The following RANBP3 variants were observed in gnomAD, a reference collection of about 807,000 sequenced individuals.
RANBP3 encodes the protein RAN binding protein 3.
RANBP3 carries 14 observed loss-of-function variants against 77.3 expected under a neutral mutation model. The observed-to-expected ratio is 0.18, with a 90% CI of 0.12 to 0.28. The LOEUF is 0.28. Among genes scored for constraint, RANBP3 ranks in the 10% least tolerant of loss-of-function variants. The pLI, the probability that RANBP3 is intolerant of heterozygous loss-of-function variation, is 1.00. For synonymous variants in RANBP3, 315 were observed against 312.4 expected (o/e 1.01, Z -0.09); for missense variants, 586 against 752.3 (o/e 0.78, Z 2.59).
chr19:5,935,775 C>T (rs1051740490), intron 5 of RANBP3: 1 of 456,776 alleles, frequency 2.2e-6, no homozygotes, highest in Admixed American at 2.3e-5. Context: ...CTGGAGGTCC[C>T]TGTCACAGGC....
At chr19:5,955,551 G>A (rs143625449) in intron 2 of RANBP3, among the ~76,000 whole-genome samples, 17 of 152,334 alleles carry the variant, frequency 1.1e-4, no homozygotes, top group African/African-American at 4.1e-4. Context: ...TGTGAAAACA[G>A]TACTGACACA....
Position 5,931,476 on chromosome 19 carries a change from C to T in RANBP3, c.621G>A (p.Val207=). ...VSLPADCTGA[V]PAASPDTAAW... ...CAGCAGTGTCAGGGGATGCTGCGGG[C>T]ACTGCCCCCGTGCAGTCTGCTGGGA... The change falls in exon 8 of 17, where the codon GTG becomes GTA. Residue 207 remains valine, a synonymous_variant. Coordinates refer to ENST00000340578, the MANE Select transcript of RANBP3 (RefSeq NM_007322.3). 6.2e-7 allele frequency: 1 copy of T among 1,612,844 alleles called. No individual in the cohort carries two copies.
At position 5,935,339 on chromosome 19, in the gene RANBP3, G is replaced by T. The variant is rs181117029; in HGVS notation, c.407-1860C>A. Among the ~76,000 whole-genome samples the T allele has an allele frequency of 7.6e-3, 1,151 of 152,336 alleles. 4 individuals carry two copies. Among genetic ancestry groups the T allele is most frequent in the Non-Finnish European group, 0.012 (847 of 68,026 alleles). On this transcript the variant is annotated intron_variant, in intron 5 of 16. Transcript: ENST00000340578. ...CTGGTGCCTCTCCCGTAACAGACTG[G>T]TCATAAAAAAACAAACTCAGGAGAG...
intron 5 of RANBP3, among the ~76,000 whole-genome samples, chr19:5,940,650 GACA>G (rs2058124048): frequency 6.6e-6 from 1 of 152,222 alleles, no homozygotes; most frequent in African/African-American, 2.4e-5. Context: ...GAAACAACTT[GACA>G]TCCTGAAGGT....
rs921784934 is a variant in RANBP3, at chr19:5,952,848, CGCTCTCTAAACCTG to C, written c.79-1266_79-1253del. Among the ~76,000 whole-genome samples the C allele has an allele frequency of 6.6e-6, 1 of 152,172 alleles. No homozygotes were observed. Among genetic ancestry groups the C allele is most frequent in the African/African-American group, 2.4e-5 (1 of 41,426 alleles). On this transcript the variant is annotated intron_variant, in intron 2 of 16. Coordinates refer to ENST00000340578, the MANE Select transcript of RANBP3 (RefSeq NM_007322.3). The surrounding 1 kb of genome is among the most constrained non-coding windows in gnomAD (Gnocchi z 4.1). ...ATCCAGGGCAGAGCCACGGACCAGC[CGCTCTCTAAACCTG>C]GCTCTCTAAACCTGCACAGGGCACC...
At chr19:5,956,833 G>T (rs1432752576) in intron 2 of RANBP3, among the ~76,000 whole-genome samples, 2 of 152,196 alleles carry the variant, frequency 1.3e-5, no homozygotes, top group Non-Finnish European at 2.9e-5. Flanking sequence ...ACCTGTGAGG[G>T]GACAGAAGCC....
At position 5,964,061 on chromosome 19, in the gene RANBP3, C is replaced by T. The variant is rs765230208; in HGVS notation, c.23-6088G>A. On this transcript the variant is annotated intron_variant, in intron 1 of 16. Coordinates refer to ENST00000340578, the MANE Select transcript of RANBP3 (RefSeq NM_007322.3). ...AAAGGAGTGAGCCCCTGCTGGCATC[C>T]GGGCCCACGGTGCTGGCTCTCCCTC... 1.1e-4 allele frequency among the ~76,000 whole-genome samples: 17 copies of T among 152,316 alleles called. No homozygotes were observed. The Middle Eastern group carries it at 0.01, about 91-fold the overall frequency.
At chr19:5,949,324 A>C (rs1213385239) in intron 3 of RANBP3, among the ~76,000 whole-genome samples, 2 of 152,228 alleles carry the variant, frequency 1.3e-5, no homozygotes, top group African/African-American at 2.4e-5. Flanking sequence ...TGGCCTAACT[A>C]ACCTAAAATA....
Position 5,951,427 on chromosome 19 carries a change from G to A in RANBP3, c.248C>T (p.Ala83Val). 6.3e-7 allele frequency: 1 copy of A among 1,581,422 alleles called. No individual in the cohort carries two copies. The highest frequency in any genetic ancestry group is 8.6e-7 in the Non-Finnish European group (1 of 1,162,398). Reference protein sequence around the residue: ...ASTPPPPAPEAQLPPFPRELA... With the variant: ...ASTPPPPAPEVQLPPFPRELA... ...TTCTCGCGGAAAAGGAGGAAGCTGGGCTTCAGGAGCGGGAGGCGGAGGAGT... is the reference window on the plus strand; with the variant it reads ...TTCTCGCGGAAAAGGAGGAAGCTGGACTTCAGGAGCGGGAGGCGGAGGAGT... Residue 83 changes from alanine (A) to valine (V), a missense_variant, in exon 3 of 17, where the codon GCC becomes GTC. Ala to Val is a moderately conservative substitution (Grantham distance 64). Transcript: ENST00000340578.
At position 5,951,490 on chromosome 19, in the gene RANBP3, G is replaced by A; in HGVS notation, c.185C>T (p.Ala62Val). 1 of 1,611,042 alleles carries A rather than the reference G, an allele frequency of 6.2e-7. No homozygotes were observed. The highest frequency in any genetic ancestry group is 8.5e-7 in the Non-Finnish European group (1 of 1,178,352). ...GCCAGCAGGGGCAGGAGGTTCTAGGGCATGCTCGCCAGCTGACTCGGGGTG... is the reference window on the plus strand; with the variant it reads ...GCCAGCAGGGGCAGGAGGTTCTAGGACATGCTCGCCAGCTGACTCGGGGTG... ...TGHPESAGEH[A>V]LEPPAPAGAS... Residue 62 changes from alanine (A) to valine (V), a missense_variant, in exon 3 of 17, where the codon GCC (alanine) becomes GTC (valine). Ala to Val is a moderately conservative substitution (Grantham distance 64). Around this residue, in one of 5 missense-constraint regions of RANBP3, gnomAD observed 172 missense variants for 183.4 expected, o/e 0.94. Coordinates refer to ENST00000340578, the MANE Select transcript of RANBP3 (RefSeq NM_007322.3).
intron 8 of RANBP3, among the ~76,000 whole-genome samples, chr19:5,929,538 A>G (rs1474508500): frequency 6.6e-6 from 1 of 152,228 alleles, no homozygotes; most frequent in African/African-American, 2.4e-5. Flanking sequence ...GCTTAAACTG[A>G]TAAACGAATC....
At chr19:5,965,475 C>T (rs1398256420) in intron 1 of RANBP3, among the ~76,000 whole-genome samples, 2 of 152,080 alleles carry the variant, frequency 1.3e-5, no homozygotes, top group African/African-American at 4.8e-5. Flanking sequence ...TGACTGGTGG[C>T]AAAACTTTGA....
rs2057761420 is a variant in RANBP3 at position 5,917,780 on chromosome 19, A to C, written c.1660+14T>G. ...TCTTTCTATCCCCCCCAGGGTAGGG[A>C]CCACCCGACTCACCAGCTGCGGTGG... On this transcript the variant is annotated intron_variant, in intron 16 of 16. Transcript: ENST00000340578. 1 of 1,601,334 alleles carries C rather than the reference A, an allele frequency of 6.2e-7. No individual in the cohort carries two copies. The highest frequency in any genetic ancestry group is 1.1e-5 in the South Asian group (1 of 89,662).
chr19:5,960,444 T>G (rs931989732), intron 1 of RANBP3, among the ~76,000 whole-genome samples: 5 of 152,212 alleles, frequency 3.3e-5, no homozygotes, highest in Non-Finnish European at 5.9e-5. Context: ...TGTCACTGCC[T>G]GATCCACTCC....
At chr19:5,941,973 G>A (rs1165930276) in intron 3 of RANBP3, 138 bp from the exon 4 acceptor site, 2 of 943,450 alleles carry the variant, frequency 2.1e-6, no homozygotes, top group African/African-American at 3.3e-5. Flanking sequence ...ATGAGAGCCA[G>A]GATTTTAGCC....
At chr19:5,926,211 C>G (rs1306224021) in intron 9 of RANBP3, among the ~76,000 whole-genome samples, 2 of 152,046 alleles carry the variant, frequency 1.3e-5, no homozygotes, top group African/African-American at 2.4e-5. Context: ...TGTTAGGGAC[C>G]CTGTTTGACC....
At chr19:5,949,652 C>T (rs1177208592) in intron 3 of RANBP3, among the ~76,000 whole-genome samples, 1 of 152,248 alleles carries the variant, frequency 6.6e-6, no homozygotes, top group Admixed American at 6.5e-5. Context: ...AGGCTCCCTG[C>T]CATACAGCTT....
intron 10 of RANBP3, chr19:5,925,385 C>T: frequency 1.7e-6 from 1 of 574,740 alleles, no homozygotes; most frequent in Non-Finnish European, 3.1e-6. Flanking sequence ...CTGTAGCCTC[C>T]ATGGGCCCCT....
rs759248124 is a variant in RANBP3, at chr19:5,941,581, C to T, written c.406+40G>A. 33 of 1,537,344 alleles carry T rather than the reference C, an allele frequency of 2.1e-5. 1 individual carries two copies. In the South Asian group the frequency reaches 2.8e-4, roughly 13 times the overall value. On this transcript the variant is annotated intron_variant, in intron 5 of 16. Coordinates refer to ENST00000340578, the MANE Select transcript of RANBP3 (RefSeq NM_007322.3). ...CTGAGGGGAATGGCGGGTTTGTAAG[C>T]ATAAACGCTTTCACCATTCCGTAAG...
Sources: allele counts gnomAD v4.1 joint callset (sites outside exome capture counted in the v4.1 genomes callset), GRCh38; gene constraint gnomAD v4.1.1; regional missense constraint gnomAD v4.1.1; non-coding constraint Gnocchi (gnomAD v3.1); transcripts MANE v1.5; gene names NCBI Gene and HGNC (gene_info 2026-07-23, HGNC 2026-07-21).